Variants in ZNF793 observed in about 807,000 individuals in gnomAD.
ZNF793 encodes the protein zinc finger protein 793.
ZNF793 carries 5 observed loss-of-function variants against 12.4 expected under a neutral mutation model. The observed-to-expected ratio is 0.40, with a 90% CI of 0.21 to 0.84. ZNF793 has a LOEUF of 0.84. Among genes scored for constraint, ZNF793 ranks in the 40% least tolerant of loss-of-function variants. The pLI is 0.35. For synonymous variants in ZNF793, 162 were observed against 172.4 expected (o/e 0.94, Z 0.47); for missense variants, 456 against 495.0 (o/e 0.92, Z 0.75).
At chr19:37,527,801 A>T (rs1309599246) in intron 5 of ZNF793, among the ~76,000 whole-genome samples, 4 of 152,198 alleles carry the variant, frequency 2.6e-5, no homozygotes, top group Non-Finnish European at 4.4e-5. Context: ...TCATTGTTAC[A>T]ATTACAGCAA....
At chr19:37,521,114 A>G (rs1015663547) in intron 3 of ZNF793, among the ~76,000 whole-genome samples, 6 of 149,648 alleles carry the variant, frequency 4.0e-5, no homozygotes, top group African/African-American at 1.5e-4. Flanking sequence ...CAGCCTCCCA[A>G]ATAGCTGGGA....
intron 2 of ZNF793, among the ~76,000 whole-genome samples, chr19:37,518,552 G>C (rs1161894243): frequency 6.6e-6 from 1 of 150,942 alleles, no homozygotes; most frequent in Non-Finnish European, 1.5e-5. Flanking sequence ...CCAGCACTTT[G>C]GGAGGCCAGG....
intron 5 of ZNF793, among the ~76,000 whole-genome samples, chr19:37,528,400 C>T (rs771604573): frequency 2.7e-4 from 41 of 151,852 alleles, no homozygotes; most frequent in Non-Finnish European, 4.4e-4. Flanking sequence ...CCAGCCCTTC[C>T]AAGAGGTTGA....
intron 1 of ZNF793, among the ~76,000 whole-genome samples, chr19:37,507,805 G>A (rs937389284): frequency 6.6e-6 from 1 of 152,204 alleles, no homozygotes; most frequent in African/African-American, 2.4e-5. Context: ...GATCGGATCG[G>A]TGTTCTTTGT....
intron 2 of ZNF793, among the ~76,000 whole-genome samples, chr19:37,510,076 T>C (rs1338332622): frequency 2.0e-5 from 3 of 152,144 alleles, no homozygotes; most frequent in African/African-American, 7.2e-5. Context: ...ATATTCCTTG[T>C]TTGGCCAGGC....
chr19:37,530,262 G>A (rs1482738377), intron 5 of ZNF793, among the ~76,000 whole-genome samples: 1 of 152,048 alleles, frequency 6.6e-6, no homozygotes, highest in Non-Finnish European at 1.5e-5. Flanking sequence ...ATTGCCCAGG[G>A]ACGGGCAGGA....
Position 37,537,627 on chromosome 19 carries a change from G to A in ZNF793, c.969G>A (p.Lys323=). The part of the protein sequence containing the change: ...CSECGKSFGE[K]SYLNVHRKMH... ...AATGCGGGAAATCGTTTGGTGAGAAGTCATACCTCAATGTACATCGAAAAA... is the reference window on the plus strand; with the variant it reads ...AATGCGGGAAATCGTTTGGTGAGAAATCATACCTCAATGTACATCGAAAAA... The change falls in exon 8 of 8, where the codon AAG becomes AAA. Residue 323 remains lysine, a synonymous_variant. Coordinates refer to ENST00000627814, the MANE Select transcript of ZNF793 (RefSeq NM_001013659.3). 4 of 1,614,156 alleles carry A rather than the reference G, an allele frequency of 2.5e-6. No homozygotes were observed. Among genetic ancestry groups the A allele is most frequent in the Non-Finnish European group, 3.4e-6 (4 of 1,180,010 alleles).
chr19:37,510,341 C>T (rs914856426), intron 2 of ZNF793, among the ~76,000 whole-genome samples: 3 of 147,926 alleles, frequency 2.0e-5, no homozygotes, highest in African/African-American at 7.5e-5. Context: ...TCCGTCTCTA[C>T]TAAAACTACA....
intron 7 of ZNF793, chr19:37,536,543 G>A (rs928894218): frequency 3.7e-4 from 150 of 410,874 alleles, no homozygotes; most frequent in South Asian, 2.2e-4. Flanking sequence ...ACATTCTTAC[G>A]TTTACATGTT....
chr19:37,515,623 T>A (rs1022048575), intron 2 of ZNF793, among the ~76,000 whole-genome samples: 6 of 152,168 alleles, frequency 3.9e-5, no homozygotes, highest in African/African-American at 1.4e-4. Flanking sequence ...ACTTTTTTTA[T>A]TGCAGTCAGT....
chr19:37,527,345 G>A (rs926711452), intron 5 of ZNF793, among the ~76,000 whole-genome samples: 4 of 152,074 alleles, frequency 2.6e-5, no homozygotes, highest in African/African-American at 7.2e-5. Flanking sequence ...TTAAGCCACC[G>A]CTCCTGGCCA....
chr19:37,515,428 C>T (rs2042323932), intron 2 of ZNF793, among the ~76,000 whole-genome samples: 1 of 152,012 alleles, frequency 6.6e-6, no homozygotes, highest in Admixed American at 6.6e-5. Context: ...CTGACTCAGC[C>T]TCCCAAGTAG....
Position 37,538,123 on chromosome 19 carries a change from G to A in ZNF793, c.*244G>A, listed in dbSNP as rs1600425670. ...GTAGAGACGGGGTTTCACCGTGTTA[G>A]CCAGGATGGTCTCGATCTCCTGACC... On this transcript the variant is annotated 3_prime_UTR_variant, in exon 8 of 8. Coordinates refer to ENST00000627814, the MANE Select transcript of ZNF793 (RefSeq NM_001013659.3). The A allele has an allele frequency of 1.3e-5, 5 of 384,190 alleles. No homozygotes were observed. Among genetic ancestry groups the A allele is most frequent in the East Asian group, 1.0e-4 (2 of 19,124 alleles). 23.8% of individuals were successfully genotyped at this position (384,190 alleles called of 1,614,324 possible). A position where few individuals can be genotyped will look rare whatever the true frequency, so the allele number is the denominator to read the frequency against.
At chr19:37,506,537 A>G (rs1401074615), upstream of ZNF793, 1 of 152,152 alleles carries the variant, frequency 6.6e-6, no homozygotes, top group Non-Finnish European at 1.5e-5. Context: ...GAGAGGCTGC[A>G]CCCATTGCAC....
chr19:37,522,750 G>C (rs893837652), intron 4 of ZNF793, 103 bp downstream of exon 4: 1 of 152,166 alleles, frequency 6.6e-6, no homozygotes, highest in Non-Finnish European at 1.5e-5. Context: ...CAGAAGGGAT[G>C]TTGTACCCTT....
chr19:37,526,100 T>C (rs960269095), intron 5 of ZNF793, among the ~76,000 whole-genome samples: 1 of 151,864 alleles, frequency 6.6e-6, no homozygotes, highest in Non-Finnish European at 1.5e-5. Flanking sequence ...TCCCTACTTT[T>C]CCCCCTCCTT....
At chr19:37,532,743 C>T (rs755788365) in intron 6 of ZNF793, among the ~76,000 whole-genome samples, 7 of 151,866 alleles carry the variant, frequency 4.6e-5, no homozygotes, top group African/African-American at 1.2e-4. Flanking sequence ...TGCTTGAACC[C>T]GGGAGGCAGA....
In ZNF793 at chr19:37,537,298, T is replaced by G; in HGVS notation, c.640T>G (p.Leu214Val). ...TAAACCAGCAGTAAGTGATTCTCTC[T>G]TGTACAAACGGAAGAGGGTTCCACC... ...MYKPAVSDSLLYKRKRVPPTE... is the reference protein window; with the variant it reads ...MYKPAVSDSLVYKRKRVPPTE... The change falls in exon 8 of 8, where the codon TTG becomes GTG. Residue 214 changes from leucine (L) to valine (V), a missense_variant. Coordinates refer to ENST00000627814, the MANE Select transcript of ZNF793 (RefSeq NM_001013659.3). The G allele has an allele frequency of 3.7e-6, 6 of 1,613,828 alleles. No homozygotes were observed. The highest frequency in any genetic ancestry group is 5.1e-6 in the Non-Finnish European group (6 of 1,179,882).
intron 2 of ZNF793, among the ~76,000 whole-genome samples, chr19:37,512,974 G>A (rs2042305161): frequency 6.6e-6 from 1 of 151,810 alleles, no homozygotes; most frequent in African/African-American, 2.4e-5. Context: ...GAGGAGTTCA[G>A]GCCAGTTATT....
Sources: allele counts gnomAD v4.1 joint callset (sites outside exome capture counted in the v4.1 genomes callset), GRCh38; gene constraint gnomAD v4.1.1; transcripts MANE v1.5; gene names NCBI Gene and HGNC (gene_info 2026-07-23, HGNC 2026-07-21).